Variants in ACTR3C observed in about 807,000 individuals in gnomAD.
ACTR3C encodes actin related protein 3C, also known as actin-related protein 3C.
In ACTR3C, 18 loss-of-function variants were observed where a neutral mutation model predicts 26.3. The ratio of observed to expected loss-of-function variants is 0.68; its 90% CI spans 0.47 to 1.01. The LOEUF (loss-of-function observed/expected upper bound fraction) is 1.01, where lower values mean the gene tolerates loss of function less well. Ranked by LOEUF, ACTR3C falls within the 50% of genes least tolerant of loss-of-function variation. The probability of loss-of-function intolerance (pLI) is 0.00; values close to 1 mark genes in which losing one functional copy is unlikely to be tolerated. For synonymous variants in ACTR3C, 55 were observed against 94.5 expected (o/e 0.58, Z 2.42); for missense variants, 184 against 250.7 (o/e 0.73, Z 1.80).
chr7:150,038,079 G>C, the ACTR3C span, among the ~76,000 whole-genome samples: 31 of 140,296 alleles, frequency 2.2e-4, 7 homozygotes, highest in East Asian at 1.2e-3. Flanking sequence ...CACCTCGCGG[G>C]GGGTGCCTCC....
At chr7:150,217,009 G>T in the ACTR3C span, among the ~76,000 whole-genome samples, 10 of 147,122 alleles carry the variant, frequency 6.8e-5, no homozygotes, top group Non-Finnish European at 1.5e-4. Flanking sequence ...AGAGGCTGTG[G>T]TACAAATATT....
chr7:150,001,082 G>T, the ACTR3C span: 1 of 152,200 alleles, frequency 6.6e-6, no homozygotes, highest in Non-Finnish European at 1.5e-5. Context: ...ACACGCCAAG[G>T]CCGCCTCCCA....
At chr7:150,037,013 G>A in the ACTR3C span, among the ~76,000 whole-genome samples, 2 of 97,344 alleles carry the variant, frequency 2.1e-5, no homozygotes, top group Admixed American at 9.0e-5. Flanking sequence ...TGCGATGGGG[G>A]TACCAACAGC....
chr7:149,977,138 C>G, the ACTR3C span, among the ~76,000 whole-genome samples: 4 of 152,018 alleles, frequency 2.6e-5, no homozygotes, highest in Non-Finnish European at 4.4e-5. Flanking sequence ...CATCTATACT[C>G]CCTTCACATT....
At chr7:149,967,257 G>A in the ACTR3C span, among the ~76,000 whole-genome samples, 11 of 151,786 alleles carry the variant, frequency 7.2e-5, no homozygotes, top group South Asian at 2.1e-4. Flanking sequence ...GGATGGTCTC[G>A]ATCTCCTGAC....
chr7:150,253,257 G>A (rs1362088681), intron 6 of ACTR3C, among the ~76,000 whole-genome samples: 2 of 152,082 alleles, frequency 1.3e-5, no homozygotes, highest in African/African-American at 2.4e-5. Context: ...CATTTTTCAG[G>A]GACAGAGCAA....
the ACTR3C span, among the ~76,000 whole-genome samples, chr7:150,166,018 T>G: frequency 7.0e-3 from 1,057 of 151,762 alleles, 9 homozygotes; most frequent in African/African-American, 0.025. Context: ...ACACATGATT[T>G]TTATAATTAG....
intron 6 of ACTR3C, among the ~76,000 whole-genome samples, chr7:150,275,315 T>A (rs1416433169): frequency 6.6e-6 from 1 of 152,224 alleles, no homozygotes; most frequent in Non-Finnish European, 1.5e-5. Flanking sequence ...GCTCACAACA[T>A]AATGCTGTTA....
At chr7:150,287,636 C>T (rs1261667655) in intron 4 of ACTR3C, among the ~76,000 whole-genome samples, 2 of 152,044 alleles carry the variant, frequency 1.3e-5, no homozygotes, top group Non-Finnish European at 2.9e-5. Context: ...AAGACGCTCT[C>T]GTGGTATTAA....
chr7:150,075,966 A>G, the ACTR3C span, among the ~76,000 whole-genome samples: 1 of 151,970 alleles, frequency 6.6e-6, no homozygotes, highest in Non-Finnish European at 1.5e-5. Flanking sequence ...CACACAATAA[A>G]CCCTAAACAA....
At chr7:150,040,457 C>T in the ACTR3C span, 2 of 148,204 alleles carry the variant, frequency 1.3e-5, no homozygotes, top group African/African-American at 5.1e-5. Context: ...TTCCGGGTCC[C>T]CGCCCCCTTT....
At chr7:150,314,765 T>A (rs1585005941) in intron 1 of ACTR3C, among the ~76,000 whole-genome samples, 1 of 134,886 alleles carries the variant, frequency 7.4e-6, no homozygotes. Flanking sequence ...CAAAATCCCA[T>A]CTCTCCAAAA....
the ACTR3C span, among the ~76,000 whole-genome samples, chr7:149,891,747 C>T: frequency 2.5e-5 from 3 of 119,516 alleles, no homozygotes; most frequent in South Asian, 3.7e-4. Context: ...ATTGCTTGAG[C>T]TCAGGAGGTC....
At chr7:150,116,408 T>C in the ACTR3C span, among the ~76,000 whole-genome samples, 2 of 152,204 alleles carry the variant, frequency 1.3e-5, no homozygotes, top group Non-Finnish European at 2.9e-5. Context: ...ATGCCTTCCT[T>C]TTGGGGGTTG....
the ACTR3C span, among the ~76,000 whole-genome samples, chr7:149,897,183 G>T: frequency 6.6e-6 from 1 of 152,082 alleles, no homozygotes; most frequent in African/African-American, 2.4e-5. Context: ...AAATAAGATG[G>T]CCAGACAAAG....
chr7:150,079,326 A>G, the ACTR3C span, among the ~76,000 whole-genome samples: 3 of 152,178 alleles, frequency 2.0e-5, no homozygotes, highest in Admixed American at 6.5e-5. Flanking sequence ...CTAAGATCTT[A>G]GGCCCATTTT....
chr7:150,167,506 C>T, the ACTR3C span, among the ~76,000 whole-genome samples: 1 of 150,820 alleles, frequency 6.6e-6, no homozygotes, highest in African/African-American at 2.5e-5. Flanking sequence ...AGTGTAAACA[C>T]ATTTTATTAT....
chr7:150,294,076 G>C (rs1200297651), intron 2 of ACTR3C, among the ~76,000 whole-genome samples: 1 of 152,172 alleles, frequency 6.6e-6, no homozygotes, highest in Non-Finnish European at 1.5e-5. Context: ...TTGGCAATGA[G>C]GTCACTTGTG....
chr7:149,964,497 T>A, the ACTR3C span, among the ~76,000 whole-genome samples: 2 of 151,980 alleles, frequency 1.3e-5, no homozygotes, highest in South Asian at 4.2e-4. Flanking sequence ...GATAATGGGG[T>A]AAATGAGGTG....
Sources: allele counts gnomAD v4.1 joint callset (sites outside exome capture counted in the v4.1 genomes callset), GRCh38; gene constraint gnomAD v4.1.1; transcripts MANE v1.5; gene names NCBI Gene and HGNC (gene_info 2026-07-23, HGNC 2026-07-21).